Variants in TRIM71 observed in about 807,000 individuals in gnomAD.
The protein encoded by TRIM71 is E3 ubiquitin-protein ligase TRIM71.
In TRIM71, 9 loss-of-function variants were observed where a neutral mutation model predicts 61.2. The ratio of observed to expected loss-of-function variants is 0.15; its 90% CI spans 0.09 to 0.26. The LOEUF (loss-of-function observed/expected upper bound fraction) is 0.26. Among genes scored for constraint, TRIM71 ranks in the 10% least tolerant of loss-of-function variants. The pLI is 1.00. For missense variants in TRIM71, 998 were observed against 1,238.7 expected, an observed-to-expected ratio of 0.81 and a Z score of 2.92; for synonymous variants, 645 against 553.2, an observed-to-expected ratio of 1.17 and a Z score of -2.33.
intron 1 of TRIM71, among the ~76,000 whole-genome samples, chr3:32,847,190 A>ATTTTTTTTTTTTTTTTTTT (rs35654776): frequency 9.3e-6 from 1 of 107,142 alleles, no homozygotes; most frequent in Non-Finnish European, 1.8e-5. Flanking sequence ...AGGTCCAGCA[A>ATTTTTTTTTTTTTTTTTTT]TTTTTTTTTT....
In TRIM71 at chr3:32,890,444, A is replaced by T. The variant is rs781229786; in HGVS notation, c.1240A>T (p.Thr414Ser). Residue 414 changes from threonine (T) to serine (S), a missense_variant, in exon 4 of 4, where the codon ACC becomes TCC. This residue lies in a region of TRIM71 where 291 missense variants were observed against 431.2 expected (regional missense o/e 0.67). Transcript: ENST00000383763. This position sits in a 1 kb window ranked among gnomAD's most constrained non-coding sequence, Gnocchi z 6.2. Reference sequence around the variant, plus strand: ...GCAAAACCTCAACAAGCTTGAGAGCACCATCAGTGCCGTGCAGCAGGTCCT... The same window carrying T: ...GCAAAACCTCAACAAGCTTGAGAGCTCCATCAGTGCCGTGCAGCAGGTCCT... ...LRQNLNKLESTISAVQQVLEE... is the reference protein window; with the variant it reads ...LRQNLNKLESSISAVQQVLEE... 36 of 1,614,086 alleles carry T rather than the reference A, an allele frequency of 2.2e-5. No homozygotes were observed. The highest frequency in any genetic ancestry group is 2.5e-5 in the Non-Finnish European group (30 of 1,180,038).
At chr3:32,885,905 C>A in intron 2 of TRIM71, 29 bp from the exon 3 acceptor site, 1 of 1,604,300 alleles carries the variant, frequency 6.2e-7, no homozygotes, top group Non-Finnish European at 8.5e-7. Context: ...CTTCTAATGC[C>A]TCGAAGTTGT....
At chr3:32,856,063 G>GC (rs1696600186) in intron 1 of TRIM71, among the ~76,000 whole-genome samples, 1 of 152,092 alleles carries the variant, frequency 6.6e-6, no homozygotes, top group African/African-American at 2.4e-5. Flanking sequence ...TGTCACTCAG[G>GC]CTGGAGTGCA....
At position 32,891,852 on chromosome 3, in the gene TRIM71, G is replaced by GTT. The variant is rs1553647762; in HGVS notation, c.*42_*43insTT. On this transcript the variant is annotated 3_prime_UTR_variant, in exon 4 of 4. Transcript: ENST00000383763. The surrounding 1 kb of genome is among the most constrained non-coding windows in gnomAD (Gnocchi z 8.2). Reference sequence around the variant, plus strand: ...TTCTGTGTTTGGGGTGTGTGTGCGTGTCTCTCTCTCTCTCTCTCTCTTTCT... The same window carrying GTT: ...TTCTGTGTTTGGGGTGTGTGTGCGTGTTTCTCTCTCTCTCTCTCTCTCTTTCT... The GTT allele has an allele frequency of 2.1e-6, 3 of 1,440,170 alleles. No homozygotes were observed. The African/African-American group carries it at 4.3e-5, about 21-fold the overall frequency. 89.2% of individuals were successfully genotyped at this position (1,440,170 alleles called of 1,614,324 possible).
At chr3:32,851,771 G>A (rs777803452) in intron 1 of TRIM71, among the ~76,000 whole-genome samples, 1 of 152,126 alleles carries the variant, frequency 6.6e-6, no homozygotes, top group African/African-American at 2.4e-5. Context: ...GAGCCACCAC[G>A]CCCTGCCTGA....
chr3:32,819,027 C>T, intron 1 of TRIM71, 95 bp downstream of exon 1: 4 of 1,388,668 alleles, frequency 2.9e-6, no homozygotes, highest in South Asian at 2.5e-5. Flanking sequence ...GGGAGGAGGC[C>T]CTCTCCGGAT....
intron 2 of TRIM71, among the ~76,000 whole-genome samples, chr3:32,878,053 G>T (rs1360079911): frequency 5.3e-5 from 8 of 152,226 alleles, no homozygotes; most frequent in Non-Finnish European, 8.8e-5. Context: ...AGTTTGTCCA[G>T]ATCCATCAGA....
chr3:32,842,615 C>A (rs539915972), intron 1 of TRIM71, among the ~76,000 whole-genome samples: 2 of 152,316 alleles, frequency 1.3e-5, no homozygotes, highest in South Asian at 4.1e-4. Context: ...CAGAGTCTTG[C>A]CAGCATGTGC....
intron 1 of TRIM71, among the ~76,000 whole-genome samples, chr3:32,833,184 T>TAAAAAAAAAAAAAAAAACAAA (rs1696293704): frequency 1.8e-5 from 1 of 54,428 alleles, no homozygotes; most frequent in Non-Finnish European, 3.3e-5. Flanking sequence ...ACTCTGTCTT[T>TAAAAAAAAAAAAAAAAACAAA]AAAAAAAAAA....
rs115999843 is a variant in TRIM71, at chr3:32,842,951, A to G, written c.852+24019A>G. Among the ~76,000 whole-genome samples, 324 of 147,162 alleles carry G rather than the reference A, an allele frequency of 2.2e-3. 2 individuals carry two copies. The highest frequency in any genetic ancestry group is 7.6e-3 in the African/African-American group (308 of 40,362). On this transcript the variant is annotated intron_variant, in intron 1 of 3. Coordinates refer to ENST00000383763, the MANE Select transcript of TRIM71 (RefSeq NM_001039111.3). ...TCTCTCAGGGCAGGGCCAAGCCCCT[A>G]TGAGTCTTAGGTGCTTAATAAATGC...
At chr3:32,839,439 T>C (rs906615595) in intron 1 of TRIM71, among the ~76,000 whole-genome samples, 2 of 151,092 alleles carry the variant, frequency 1.3e-5, no homozygotes, top group African/African-American at 2.4e-5. Context: ...ACCATGTTGG[T>C]CAGGCTGGTC....
chr3:32,818,348 C>T lies in TRIM71; in HGVS notation c.268C>T (p.Arg90Cys). The change falls in exon 1 of 4, where the codon CGC (arginine) becomes TGC (cysteine). Residue 90 changes from arginine (R) to cysteine (C), a missense_variant. Around this residue, in one of 5 missense-constraint regions of TRIM71, gnomAD observed 527 missense variants for 427.8 expected, o/e 1.23. Transcript: ENST00000383763. The stretch of plus-strand genomic sequence containing the variant: ...CGCGGCGGGAGAGCCGCTCAAGCTG[C>T]GCTGCCCCGTGTGCGACCAGAAAGT... ...GGAAGEPLKL[R>C]CPVCDQKVVL... 1.4e-6 allele frequency: 2 copies of T among 1,475,308 alleles called. No individual in the cohort carries two copies. The highest frequency in any genetic ancestry group is 8.9e-7 in the Non-Finnish European group (1 of 1,118,358). 91.4% of individuals were successfully genotyped at this position (1,475,308 alleles called of 1,614,324 possible). A position where few individuals can be genotyped will look rare whatever the true frequency, so the allele number is the denominator to read the frequency against.
At chr3:32,821,845 CCTGCCTCGGCTCTGGGGACG>C (rs1394193195) in intron 1 of TRIM71, among the ~76,000 whole-genome samples, 1 of 151,700 alleles carries the variant, frequency 6.6e-6, no homozygotes, top group African/African-American at 2.4e-5. Flanking sequence ...CAGCCCGGAG[CCTGCCTCGGCTCTGGGGACG>C]TGGCCTGGCC....
Position 32,818,621 on chromosome 3 carries a change from C to G in TRIM71, c.541C>G (p.Pro181Ala), listed in dbSNP as rs1445066115. The change falls in exon 1 of 4, where the codon CCC becomes GCC. Residue 181 changes from proline to alanine, a missense_variant. Pro to Ala is a conservative substitution (Grantham distance 27). Around this residue, in one of 5 missense-constraint regions of TRIM71, gnomAD observed 527 missense variants for 427.8 expected, o/e 1.23. Transcript: ENST00000383763. ...PQPPAPSRSAPGGPAASPSAL... is the reference protein window; with the variant it reads ...PQPPAPSRSAAGGPAASPSAL... The stretch of plus-strand genomic sequence containing the variant: ...GCCGCCCGCGCCTTCCCGCTCGGCA[C>G]CCGGCGGCCCTGCCGCTTCCCCGTC... 3 of 1,426,410 alleles carry G rather than the reference C, an allele frequency of 2.1e-6. No homozygotes were observed. Among genetic ancestry groups the G allele is most frequent in the Non-Finnish European group, 2.7e-6 (3 of 1,098,574 alleles). The allele number at this position is 1,426,410 out of a possible 1,614,324, so 88.4% of individuals were successfully genotyped here. A position where few individuals can be genotyped will look rare whatever the true frequency, so the allele number is the denominator to read the frequency against.
At chr3:32,852,878 G>A (rs1696554679) in intron 1 of TRIM71, among the ~76,000 whole-genome samples, 1 of 151,980 alleles carries the variant, frequency 6.6e-6, no homozygotes, top group Admixed American at 6.6e-5. Context: ...AAAGGTATTT[G>A]CAATTAAATT....
intron 3 of TRIM71, among the ~76,000 whole-genome samples, chr3:32,887,336 C>T (rs1377020930): frequency 6.6e-6 from 1 of 152,060 alleles, no homozygotes; most frequent in Non-Finnish European, 1.5e-5. Flanking sequence ...GAGTCCATCC[C>T]TTCTTCATTG....
chr3:32,840,005 A>C (rs1559540222), intron 1 of TRIM71, among the ~76,000 whole-genome samples: 1 of 152,238 alleles, frequency 6.6e-6, no homozygotes, highest in Non-Finnish European at 1.5e-5. Flanking sequence ...CAAACGCTCC[A>C]GTTTAAAAAC....
intron 1 of TRIM71, among the ~76,000 whole-genome samples, chr3:32,829,626 T>TTTTGTGTGTGTGTGTG (rs1553643443): frequency 2.0e-5 from 3 of 148,680 alleles, no homozygotes; most frequent in African/African-American, 4.9e-5. Context: ...TGTCATGGTA[T>TTTTGTGTGTGTGTGTG]TGTGTGTGTG....
intron 1 of TRIM71, among the ~76,000 whole-genome samples, chr3:32,826,186 C>T (rs76310150): frequency 0.011 from 1,740 of 152,240 alleles, 24 homozygotes; most frequent in African/African-American, 0.04. Flanking sequence ...AGGCAGGGTG[C>T]GGTGGCTTAC....
Sources: gnomAD v4.1 joint callset for allele counts (sites outside exome capture counted in the v4.1 genomes callset) on GRCh38, gnomAD v4.1.1 for gene constraint, gnomAD v4.1.1 regional missense constraint, Gnocchi (gnomAD v3.1) non-coding constraint, MANE v1.5 for transcripts, NCBI Gene and HGNC (gene_info 2026-07-23, HGNC 2026-07-21) for gene names.